The following ATP8B1 variants were observed in gnomAD, a reference collection of about 807,000 sequenced individuals.
ATP8B1 encodes ATPase phospholipid transporting 8B1.
ATP8B1 carries 80 observed loss-of-function variants against 149.9 expected under a neutral mutation model. The observed-to-expected ratio is 0.53, with a 90% confidence interval of 0.45 to 0.64. The LOEUF (loss-of-function observed/expected upper bound fraction) is 0.64, where lower values mean the gene tolerates loss of function less well. Among genes scored for constraint, ATP8B1 ranks in the 30% least tolerant of loss-of-function variants. ATP8B1 has a pLI of 0.00. For synonymous variants in ATP8B1, 536 were observed against 562.8 expected (o/e 0.95, Z 0.67); for missense variants, 1,247 against 1,552.6 (o/e 0.80, Z 3.31).
chr18:57,761,049 AATAAC>A (rs1181647775), intron 1 of ATP8B1, among the ~76,000 whole-genome samples: 1 of 145,028 alleles, frequency 6.9e-6, no homozygotes, highest in Non-Finnish European at 1.5e-5. Flanking sequence ...AATAAAATAA[AATAAC>A]ATAAAATAAC....
chr18:57,672,924 A>C (rs1161521614), intron 16 of ATP8B1, among the ~76,000 whole-genome samples: 1 of 48,416 alleles, frequency 2.1e-5, no homozygotes, highest in Non-Finnish European at 3.5e-5. Context: ...ATATATATAT[A>C]TATATATAAC....
intron 1 of ATP8B1, among the ~76,000 whole-genome samples, chr18:57,756,305 A>ATATATATATATATATATG (rs374550138): frequency 0.091 from 9,613 of 105,728 alleles, 1,026 homozygotes; most frequent in Non-Finnish European, 0.13. Context: ...GTGTATGTAT[A>ATATATATATATATATATG]TATATATATA....
intron 20 of ATP8B1, among the ~76,000 whole-genome samples, chr18:57,664,039 A>G (rs1269407919): frequency 1.4e-5 from 2 of 144,284 alleles, no homozygotes; most frequent in East Asian, 2.2e-4. Context: ...TGCTGGGATT[A>G]CAGGCATGAG....
intron 1 of ATP8B1, among the ~76,000 whole-genome samples, chr18:57,791,659 C>T (rs1446325685): frequency 6.6e-6 from 1 of 152,052 alleles, no homozygotes; most frequent in Non-Finnish European, 1.5e-5. Flanking sequence ...TTCCTTCCTT[C>T]GTAAGGCTGA....
intron 2 of ATP8B1, among the ~76,000 whole-genome samples, chr18:57,725,869 A>C (rs2079700828): frequency 6.6e-6 from 1 of 152,372 alleles, no homozygotes; most frequent in South Asian, 2.1e-4. Context: ...TGTCATATGC[A>C]AAAATTGAAT....
rs541193996 is a variant in ATP8B1 at position 57,736,158 on chromosome 18, C to CT, written c.-25-4327dup. Among the ~76,000 whole-genome samples, 722 of 152,198 alleles carry CT rather than the reference C, an allele frequency of 4.7e-3. 7 individuals carry two copies. Among genetic ancestry groups the CT allele is most frequent in the African/African-American group, 0.017 (703 of 41,510 alleles). On this transcript the variant is annotated intron_variant, in intron 1 of 27. Coordinates refer to ENST00000648908, the MANE Select transcript of ATP8B1 (RefSeq NM_001374385.1). ...TCCATGGAAAGACCACGATCTCATT[C>CT]TTTTTTATGGCTGCAGGGATTATTT...
At chr18:57,772,514 C>T (rs1165636334) in intron 1 of ATP8B1, among the ~76,000 whole-genome samples, 1 of 152,104 alleles carries the variant, frequency 6.6e-6, no homozygotes, top group African/African-American at 2.4e-5. Context: ...GAAGAGGAGA[C>T]TGGAAAGCAG....
At chr18:57,793,567 C>A (rs2080483567) in intron 1 of ATP8B1, among the ~76,000 whole-genome samples, 1 of 152,114 alleles carries the variant, frequency 6.6e-6, no homozygotes, top group African/African-American at 2.4e-5. Flanking sequence ...CCTGCAAGAC[C>A]TGGCTCCCCT....
chr18:57,689,608 G>A (rs371554608), intron 12 of ATP8B1, among the ~76,000 whole-genome samples: 2 of 152,174 alleles, frequency 1.3e-5, no homozygotes, highest in South Asian at 2.1e-4. Flanking sequence ...AGGTGCAGGG[G>A]ACATGTCTGT....
chr18:57,697,467 A>G, intron 8 of ATP8B1, 151 bp downstream of exon 8: 1 of 831,460 alleles, frequency 1.2e-6, no homozygotes, highest in Admixed American at 1.8e-5. Context: ...TCCACTTCAC[A>G]GAGGCGCAAA....
intron 1 of ATP8B1, among the ~76,000 whole-genome samples, chr18:57,764,200 G>T (rs1025747105): frequency 4.6e-5 from 7 of 152,142 alleles, no homozygotes; most frequent in African/African-American, 1.7e-4. Context: ...ATGTGGCTTT[G>T]GTCACCTCCG....
intron 27 of ATP8B1, among the ~76,000 whole-genome samples, chr18:57,649,186 G>A (rs1448530887): frequency 7.0e-5 from 3 of 42,584 alleles, no homozygotes; most frequent in Non-Finnish European, 1.8e-4. Context: ...CACAGTGCTT[G>A]GCTATATCTA....
rs2080392310 is a variant in ATP8B1, at chr18:57,784,941, T to C, written c.-26+18057A>G. ...CCAGGGAGCAAAAGTCACATCTGGT[T>C]GACTAAGTTAAGTATACTTTTACAA... On this transcript the variant is annotated intron_variant, in intron 1 of 27. Coordinates refer to ENST00000648908, the MANE Select transcript of ATP8B1 (RefSeq NM_001374385.1). This position sits in a 1 kb window ranked among gnomAD's most constrained non-coding sequence, Gnocchi z 4.4. Among the ~76,000 whole-genome samples the C allele has an allele frequency of 6.6e-6, 1 of 152,216 alleles. No homozygotes were observed. The highest frequency in any genetic ancestry group is 1.9e-4 in the East Asian group (1 of 5,196).
intron 1 of ATP8B1, chr18:57,738,026 TC>T (rs1205097853): frequency 6.6e-6 from 1 of 152,204 alleles, no homozygotes; most frequent in African/African-American, 2.4e-5. Flanking sequence ...GGAATTTGGC[TC>T]TGTCATTTTA....
intron 1 of ATP8B1, among the ~76,000 whole-genome samples, chr18:57,787,156 T>A (rs1055059074): frequency 5.9e-5 from 9 of 152,240 alleles, no homozygotes; most frequent in Non-Finnish European, 1.2e-4. Context: ...GAAATCATTG[T>A]ATAATGCCTA....
chr18:57,756,241 ATACACACACAC>A, intron 1 of ATP8B1, among the ~76,000 whole-genome samples: 1 of 122,906 alleles, frequency 8.1e-6, no homozygotes, highest in East Asian at 2.0e-4. Flanking sequence ...ACACACATAT[ATACACACACAC>A]ATATATATAT....
intron 20 of ATP8B1, among the ~76,000 whole-genome samples, chr18:57,663,788 G>A (rs1910671327): frequency 8.5e-6 from 1 of 117,292 alleles, no homozygotes; most frequent in Non-Finnish European, 1.7e-5. Context: ...TTTTTTTTGA[G>A]GCAGAGTCTC....
At chr18:57,776,583 A>T (rs2080307501) in intron 1 of ATP8B1, among the ~76,000 whole-genome samples, 1 of 152,108 alleles carries the variant, frequency 6.6e-6, no homozygotes, top group Non-Finnish European at 1.5e-5. Flanking sequence ...GGGAAATAAA[A>T]CAGCAAGCCC....
chr18:57,751,467 A>G (rs964725406), intron 1 of ATP8B1, among the ~76,000 whole-genome samples: 56 of 148,550 alleles, frequency 3.8e-4, no homozygotes, highest in Middle Eastern at 3.5e-3. Context: ...AAAAAAAAAA[A>G]GGGAATTTAT....
Sources: allele counts gnomAD v4.1 joint callset (sites outside exome capture counted in the v4.1 genomes callset), GRCh38; gene constraint gnomAD v4.1.1; non-coding constraint Gnocchi (gnomAD v3.1); transcripts MANE v1.5; gene names NCBI Gene and HGNC (gene_info 2026-07-23, HGNC 2026-07-21).